Variants in CLVS1 observed in about 807,000 individuals in gnomAD.
CLVS1 encodes clavesin 1.
A neutral mutation model predicts 33.1 loss-of-function variants in CLVS1; 10 were observed. That is an observed-to-expected ratio of 0.30 (90% confidence interval 0.19 to 0.51). CLVS1 has a LOEUF of 0.51. CLVS1 is among the 20% of genes least tolerant of loss of function. The pLI is 0.97. For missense variants in CLVS1, 343 were observed against 433.4 expected (o/e 0.79, Z 1.85); for synonymous variants, 163 against 166.1 (o/e 0.98, Z 0.14).
intron 2 of CLVS1, among the ~76,000 whole-genome samples, chr8:61,325,047 A>T (rs1025693535): frequency 6.6e-6 from 1 of 152,158 alleles, no homozygotes; most frequent in Non-Finnish European, 1.5e-5. Flanking sequence ...TACTTTAGGG[A>T]CAGAAAATGT....
upstream of CLVS1, among the ~76,000 whole-genome samples, chr8:61,053,718 T>A (rs1266283814): frequency 1.3e-5 from 2 of 152,092 alleles, no homozygotes; most frequent in Non-Finnish European, 2.9e-5. Context: ...GATATTGGTT[T>A]AGAGATAAGC....
At chr8:61,403,588 G>A (rs1273220311) in intron 3 of CLVS1, among the ~76,000 whole-genome samples, 2 of 152,122 alleles carry the variant, frequency 1.3e-5, no homozygotes, top group East Asian at 1.9e-4. Context: ...AATTGGATGT[G>A]TGATATTTAA....
chr8:61,169,446 C>T (rs1161817880), intron 2 of CLVS1, among the ~76,000 whole-genome samples: 1 of 152,016 alleles, frequency 6.6e-6, no homozygotes, highest in African/African-American at 2.4e-5. Context: ...AGAAAATAAT[C>T]AACTGCCAGG....
chr8:61,499,392 A>G, intron 5 of CLVS1, 63 bp from the exon 6 acceptor site: 2 of 1,187,176 alleles, frequency 1.7e-6, no homozygotes, highest in South Asian at 2.4e-5. Flanking sequence ...ATGTCTTCAA[A>G]GGTTCCAAAA....
At chr8:61,241,608 A>G (rs1201896046) in intron 2 of CLVS1, among the ~76,000 whole-genome samples, 1 of 152,176 alleles carries the variant, frequency 6.6e-6, no homozygotes, top group East Asian at 1.9e-4. Flanking sequence ...TCTCTCCACC[A>G]TTTTTTATGG....
intron 2 of CLVS1, among the ~76,000 whole-genome samples, chr8:61,174,263 A>T (rs1037550942): frequency 1.3e-5 from 2 of 152,192 alleles, no homozygotes; most frequent in African/African-American, 4.8e-5. Context: ...CTGTCTGCAA[A>T]CCACACAGAT....
intron 2 of CLVS1, among the ~76,000 whole-genome samples, chr8:61,355,284 GTTTC>G (rs1201041280): frequency 1.3e-5 from 2 of 150,798 alleles, no homozygotes; most frequent in African/African-American, 2.4e-5. Context: ...AGAGGAAGAA[GTTTC>G]TTTTTTTTTT....
At chr8:61,163,740 G>A (rs568012789) in intron 2 of CLVS1, among the ~76,000 whole-genome samples, 2 of 152,308 alleles carry the variant, frequency 1.3e-5, no homozygotes, top group African/African-American at 2.4e-5. Context: ...CTATTAGGAC[G>A]AACCCGGGCA....
intron 3 of CLVS1, among the ~76,000 whole-genome samples, chr8:61,380,468 A>G: frequency 6.6e-6 from 1 of 152,212 alleles, no homozygotes; most frequent in Non-Finnish European, 1.5e-5. Context: ...CTTTTAGAGC[A>G]ATGCTTTGAA....
At chr8:61,102,676 C>A (rs1805472047) in intron 1 of CLVS1, among the ~76,000 whole-genome samples, 1 of 152,200 alleles carries the variant, frequency 6.6e-6, no homozygotes, top group Non-Finnish European at 1.5e-5. Flanking sequence ...ATGACCCTCA[C>A]AAGTTCTTCA....
chr8:61,139,556 CCGGGGG>C (rs1806266334), intron 2 of CLVS1, among the ~76,000 whole-genome samples: 1 of 152,122 alleles, frequency 6.6e-6, no homozygotes, highest in African/African-American at 2.4e-5. Context: ...CGAGCGGAGG[CCGGGGG>C]CGGGGGCTAA....
chr8:61,305,398 C>T (rs2129595065), intron 2 of CLVS1, among the ~76,000 whole-genome samples: 1 of 152,190 alleles, frequency 6.6e-6, no homozygotes, highest in South Asian at 2.1e-4. Flanking sequence ...CACATTTTTA[C>T]CTCCTGCATG....
intron 5 of CLVS1, among the ~76,000 whole-genome samples, chr8:61,462,932 C>A (rs575962236): frequency 3.3e-5 from 5 of 152,302 alleles, no homozygotes; most frequent in African/African-American, 1.2e-4. Context: ...TTTGACTCTC[C>A]TCTCTAGTTA....
At chr8:61,173,947 T>C (rs1429740019) in intron 2 of CLVS1, among the ~76,000 whole-genome samples, 1 of 152,136 alleles carries the variant, frequency 6.6e-6, no homozygotes, top group Non-Finnish European at 1.5e-5. Context: ...AACTGGAAAA[T>C]GACAAGATTC....
chr8:61,240,419 C>G (rs1053231005), intron 2 of CLVS1, among the ~76,000 whole-genome samples: 6 of 152,208 alleles, frequency 3.9e-5, no homozygotes, highest in African/African-American at 1.4e-4. Flanking sequence ...CTTCCTGTGA[C>G]TCCACAATAG....
chr8:61,204,485 A>G (rs1411162670), intron 2 of CLVS1, among the ~76,000 whole-genome samples: 12 of 152,322 alleles, frequency 7.9e-5, no homozygotes, highest in Non-Finnish European at 1.5e-5. Flanking sequence ...TTAAAAATGT[A>G]CTTAATGCTA....
At chr8:61,497,442 T>TGG (rs59855401) in intron 5 of CLVS1, among the ~76,000 whole-genome samples, 59,977 of 126,070 alleles carry the variant, frequency 0.48, 15,584 homozygotes, top group Non-Finnish European at 0.59. Context: ...AGGTTTTTAT[T>TGG]GGGGGGGGGG....
chr8:60,967,477 G>A, the CLVS1 span: 95 of 341,644 alleles, frequency 2.8e-4, no homozygotes, highest in African/African-American at 1.8e-3. Flanking sequence ...GACATAAATC[G>A]TGAAGCTACC....
chr8:61,314,333 T>C (rs1231766084), intron 2 of CLVS1, among the ~76,000 whole-genome samples: 1 of 152,220 alleles, frequency 6.6e-6, no homozygotes, highest in Non-Finnish European at 1.5e-5. Context: ...ATATTTGATC[T>C]CTAAAGTTTT....
Sources: allele counts gnomAD v4.1 joint callset (sites outside exome capture counted in the v4.1 genomes callset), GRCh38; gene constraint gnomAD v4.1.1; transcripts MANE v1.5; gene names NCBI Gene and HGNC (gene_info 2026-07-23, HGNC 2026-07-21).